The following FOCAD variants were observed in gnomAD, a reference collection of about 807,000 sequenced individuals.
The protein encoded by FOCAD is KIAA1797.
A neutral mutation model predicts 225.6 loss-of-function variants in FOCAD; 198 were observed. The ratio of observed to expected loss-of-function variants is 0.88; its 90% CI spans 0.78 to 0.99. The LOEUF (loss-of-function observed/expected upper bound fraction) is 0.99. FOCAD is among the 50% of genes least tolerant of loss of function. FOCAD has a pLI of 0.00. For synonymous variants in FOCAD, 897 were observed against 755.0 expected, an observed-to-expected ratio of 1.19 and a Z score of -3.08; for missense variants, 2,713 against 2,123.6, an observed-to-expected ratio of 1.28 and a Z score of -5.46.
At position 20,885,092 on chromosome 9, in the gene FOCAD, T is replaced by C; in HGVS notation, c.2504-17T>C. The C allele has an allele frequency of 1.5e-6, 2 of 1,349,018 alleles. No homozygotes were observed. The highest frequency in any genetic ancestry group is 1.9e-5 in the South Asian group (1 of 51,682). The allele number at this position is 1,349,018 out of a possible 1,614,324, so 83.6% of individuals were successfully genotyped here. ...AAAAATAAAAATAAAATAAAGTCTA[T>C]ATAATTTTTTTTAAAGGTGGTATGT... On this transcript the variant is annotated splice_polypyrimidine_tract_variant and intron_variant, in intron 20 of 43. Transcript: ENST00000338382.
At position 20,765,013 on chromosome 9, in the gene FOCAD, A is replaced by G. The variant is rs1587073225; in HGVS notation, c.639A>G (p.Gln213=). 6.2e-7 allele frequency: 1 copy of G among 1,614,152 alleles called. No homozygotes were observed. Among genetic ancestry groups the G allele is most frequent in the South Asian group, 1.1e-5 (1 of 91,086 alleles). ...LQPQVLCDKD[Q]PSILEQQILQ... is the part of the protein sequence containing the mutation. ...CCCAGGTTCTTTGTGACAAAGATCA[A>G]CCATCAATACTGGAACAGCAGATAC... The change falls in exon 7 of 44, where the codon CAA becomes CAG. Residue 213 remains glutamine, a synonymous_variant. Transcript: ENST00000338382.
At chr9:20,892,346 A>C (rs1490327862) in intron 21 of FOCAD, among the ~76,000 whole-genome samples, 1 of 152,160 alleles carries the variant, frequency 6.6e-6, no homozygotes, top group East Asian at 1.9e-4. Flanking sequence ...CCTCTGTTGG[A>C]TCTGGGAGAA....
intron 6 of FOCAD, among the ~76,000 whole-genome samples, chr9:20,763,741 G>A (rs918167428): frequency 1.3e-5 from 2 of 152,156 alleles, no homozygotes; most frequent in African/African-American, 4.8e-5. Flanking sequence ...AGCAAGAAAT[G>A]AAGCTGGAAA....
At chr9:20,659,429 A>AG (rs1821641726) in intron 2 of FOCAD, among the ~76,000 whole-genome samples, 2 of 150,644 alleles carry the variant, frequency 1.3e-5, no homozygotes, top group East Asian at 4.0e-4. Flanking sequence ...GAAAGGAGAA[A>AG]GAAAGAAAGA....
At chr9:20,677,716 A>G (rs1421016205) in intron 2 of FOCAD, among the ~76,000 whole-genome samples, 1 of 152,216 alleles carries the variant, frequency 6.6e-6, no homozygotes, top group African/African-American at 2.4e-5. Flanking sequence ...AAAAGGGAAC[A>G]CTTACATGCT....
intron 39 of FOCAD, 85 bp from the exon 40 acceptor site, chr9:20,986,203 T>G: frequency 7.9e-7 from 1 of 1,271,082 alleles, no homozygotes; most frequent in East Asian, 2.7e-5. Flanking sequence ...AACTCATCTT[T>G]TTTGTTTTGC....
chr9:20,995,684 T>C lies in FOCAD; in HGVS notation c.*55T>C, dbSNP rs565314757. 7.2e-6 allele frequency: 11 copies of C among 1,520,650 alleles called. No homozygotes were observed. The South Asian group carries it at 1.2e-4, about 17-fold the overall frequency. The allele number at this position is 1,520,650 out of a possible 1,614,324, so 94.2% of individuals were successfully genotyped here. A position where few individuals can be genotyped will look rare whatever the true frequency, so the allele number is the denominator to read the frequency against. On this transcript the variant is annotated 3_prime_UTR_variant, in exon 44 of 44. Coordinates refer to ENST00000338382, the MANE Select transcript of FOCAD (RefSeq NM_001375567.1). The stretch of plus-strand genomic sequence containing the variant: ...AGCTGGATGAGGAAAACCATATAAG[T>C]GGAAGAAGTTTTTCAGAATTCATGC...
intron 16 of FOCAD, among the ~76,000 whole-genome samples, chr9:20,863,764 G>C (rs963691010): frequency 2.0e-5 from 3 of 152,038 alleles, no homozygotes; most frequent in African/African-American, 7.2e-5. Flanking sequence ...AAGACTAAAA[G>C]CCAATGTAAG....
At chr9:20,895,322 A>G (rs1166403225) in intron 21 of FOCAD, among the ~76,000 whole-genome samples, 2 of 151,864 alleles carry the variant, frequency 1.3e-5, no homozygotes, top group African/African-American at 4.8e-5. Flanking sequence ...TCATATGAAC[A>G]TTTGAATCAA....
intron 15 of FOCAD, among the ~76,000 whole-genome samples, chr9:20,858,212 A>T (rs1358138081): frequency 6.6e-6 from 1 of 151,752 alleles, no homozygotes. Context: ...CAATGAAGCC[A>T]TCAGATTATT....
intron 21 of FOCAD, among the ~76,000 whole-genome samples, chr9:20,895,540 C>CAT (rs776350677): frequency 4.0e-5 from 6 of 151,680 alleles, no homozygotes; most frequent in Middle Eastern, 3.4e-3. Flanking sequence ...TATACACACA[C>CAT]ATATATATAT....
intron 37 of FOCAD, among the ~76,000 whole-genome samples, 162 bp downstream of exon 37, chr9:20,978,616 A>G (rs996012671): frequency 4.6e-5 from 7 of 152,260 alleles, no homozygotes; most frequent in Non-Finnish European, 8.8e-5. Context: ...GGAAAATTAT[A>G]TAGTTCAGAA....
At chr9:20,697,546 A>T (rs1224373400) in intron 1 of FOCAD, among the ~76,000 whole-genome samples, 2 of 152,166 alleles carry the variant, frequency 1.3e-5, no homozygotes, top group Non-Finnish European at 1.5e-5. Flanking sequence ...CTTCCATCTC[A>T]AGGTTATTCC....
At chr9:20,727,509 A>G (rs961412816) in intron 4 of FOCAD, among the ~76,000 whole-genome samples, 1 of 152,230 alleles carries the variant, frequency 6.6e-6, no homozygotes, top group African/African-American at 2.4e-5. Context: ...CAGTAACATT[A>G]CATCTCTTAG....
intron 28 of FOCAD, among the ~76,000 whole-genome samples, chr9:20,943,661 A>G (rs1836890672): frequency 6.6e-6 from 1 of 152,176 alleles, no homozygotes; most frequent in Non-Finnish European, 1.5e-5. Context: ...TAAGAGCAAA[A>G]TGACCTAACA....
At chr9:20,951,471 G>C (rs1587703997) in intron 34 of FOCAD, among the ~76,000 whole-genome samples, 1 of 152,138 alleles carries the variant, frequency 6.6e-6, no homozygotes, top group East Asian at 1.9e-4. Context: ...GACAAATCTA[G>C]AAACTAGGAA....
chr9:20,847,472 ATTTTTT>A (rs11338930), intron 15 of FOCAD, among the ~76,000 whole-genome samples: 2 of 142,926 alleles, frequency 1.4e-5, no homozygotes, highest in Admixed American at 1.4e-4. Context: ...ATCTGCTCAG[ATTTTTT>A]TTTTTTTTTT....
intron 19 of FOCAD, chr9:20,875,678 T>C (rs979906686): frequency 1.3e-5 from 2 of 152,156 alleles, no homozygotes; most frequent in Non-Finnish European, 1.5e-5. Context: ...AGTACTCACT[T>C]GCCCCTATTA....
chr9:20,860,417 T>C (rs1828659593), intron 15 of FOCAD, among the ~76,000 whole-genome samples: 1 of 152,212 alleles, frequency 6.6e-6, no homozygotes, highest in Non-Finnish European at 1.5e-5. Flanking sequence ...TGGCCTTTTC[T>C]TCTGCCCTAG....
Sources: gnomAD v4.1 joint callset for allele counts (sites outside exome capture counted in the v4.1 genomes callset) on GRCh38, gnomAD v4.1.1 for gene constraint, MANE v1.5 for transcripts, NCBI Gene and HGNC (gene_info 2026-07-23, HGNC 2026-07-21) for gene names.